PUM1: variants seen among roughly 807,000 people sequenced by gnomAD.
PUM1 encodes pumilio RNA binding family member 1.
A neutral mutation model predicts 131.8 loss-of-function variants in PUM1; 13 were observed. The observed-to-expected ratio is 0.10, with a 90% CI of 0.06 to 0.16. PUM1 has a LOEUF of 0.16. Ranked by LOEUF, PUM1 falls within the 10% of genes least tolerant of loss-of-function variation. The pLI is 1.00. For synonymous variants in PUM1, 509 were observed against 556.5 expected, an observed-to-expected ratio of 0.91 and a Z score of 1.20; for missense variants, 961 against 1,512.4, an observed-to-expected ratio of 0.64 and a Z score of 6.05.
In PUM1 at chr1:30,992,283, T is replaced by G. The variant is rs143334393; in HGVS notation, c.1158+107A>C. 161 of 1,420,030 alleles carry G rather than the reference T, an allele frequency of 1.1e-4. No homozygotes were observed. The African/African-American group carries it at 2.0e-3, about 18-fold the overall frequency. 88.0% of individuals were successfully genotyped at this position (1,420,030 alleles called of 1,614,324 possible). ...CAGGTTCACAAGGGCTAGCTATGGA[T>G]AGCCTGAAACAATGCCACCACCTCC... On this transcript the variant is annotated intron_variant, in intron 7 of 21. Coordinates refer to ENST00000426105, the MANE Select transcript of PUM1 (RefSeq NM_001020658.2).
intron 2 of PUM1, among the ~76,000 whole-genome samples, chr1:31,042,273 T>C (rs1435967321): frequency 6.6e-6 from 1 of 151,656 alleles, no homozygotes; most frequent in Non-Finnish European, 1.5e-5. Context: ...ACCACTGCAC[T>C]CCAACCTGGG....
chr1:31,038,538 C>T (rs1368255743), intron 2 of PUM1, among the ~76,000 whole-genome samples: 1 of 152,158 alleles, frequency 6.6e-6, no homozygotes, highest in African/African-American at 2.4e-5. Context: ...CCTTGAGCGT[C>T]TAGCACAGTA....
chr1:31,029,913 CAAAAA>C (rs10592751), intron 2 of PUM1, among the ~76,000 whole-genome samples: 15 of 120,028 alleles, frequency 1.2e-4, no homozygotes, highest in Non-Finnish European at 1.2e-4. Context: ...GATCCTTTTT[CAAAAA>C]AAAAAAAAAA....
intron 1 of PUM1, among the ~76,000 whole-genome samples, 186 bp downstream of exon 1, chr1:31,065,430 G>A (rs1644462186): frequency 6.6e-6 from 1 of 151,046 alleles, no homozygotes; most frequent in South Asian, 2.1e-4. Flanking sequence ...ATAACAATAG[G>A]GGCCTTGCTG....
At chr1:30,949,528 C>A (rs1033369241) in intron 17 of PUM1, among the ~76,000 whole-genome samples, 1 of 150,696 alleles carries the variant, frequency 6.6e-6, no homozygotes, top group African/African-American at 2.5e-5. Flanking sequence ...CCTGCAAAGC[C>A]GGCCCTCAGG....
intron 2 of PUM1, among the ~76,000 whole-genome samples, chr1:31,038,490 G>C (rs1231301837): frequency 6.6e-6 from 1 of 152,116 alleles, no homozygotes; most frequent in Non-Finnish European, 1.5e-5. Context: ...CTTATTAACA[G>C]TGCTATGGTG....
chr1:30,943,331 C>T (rs998201600), intron 18 of PUM1, among the ~76,000 whole-genome samples: 2 of 151,902 alleles, frequency 1.3e-5, no homozygotes, highest in Non-Finnish European at 1.5e-5. Context: ...GGCACCATCT[C>T]GGCTCACTGC....
chr1:31,049,694 A>T (rs1644060851), intron 2 of PUM1, among the ~76,000 whole-genome samples: 1 of 152,096 alleles, frequency 6.6e-6, no homozygotes. Context: ...AAATAAAATT[A>T]AATTTAAAAA....
chr1:31,052,018 T>C (rs1644120626), intron 2 of PUM1, among the ~76,000 whole-genome samples: 1 of 152,118 alleles, frequency 6.6e-6, no homozygotes, highest in South Asian at 2.1e-4. Context: ...TAAGTAACTT[T>C]TTTTTTTCTT....
intron 18 of PUM1, 70 bp from the exon 19 acceptor site, chr1:30,942,193 A>ATT (rs1383093207): frequency 2.8e-5 from 5 of 178,244 alleles, no homozygotes; most frequent in Admixed American, 1.7e-4. Flanking sequence ...AGTATTGTTT[A>ATT]TATATATATA....
rs578036518 is a variant in PUM1, at chr1:30,983,073, T to G, written c.1159-1668A>C. ...TACTGACAGACATTATCAAAACATTTGTCCTCCAGGAAGGGAGCCAGTCAA... is the reference window on the plus strand; with the variant it reads ...TACTGACAGACATTATCAAAACATTGGTCCTCCAGGAAGGGAGCCAGTCAA... On this transcript the variant is annotated intron_variant, in intron 7 of 21. Transcript: ENST00000426105. Among the ~76,000 whole-genome samples, 3 of 152,338 alleles carry G rather than the reference T, an allele frequency of 2.0e-5. No homozygotes were observed. In the East Asian group the frequency reaches 5.8e-4, roughly 29 times the overall value.
chr1:30,988,352 T>C (rs941848705), intron 7 of PUM1, among the ~76,000 whole-genome samples: 3 of 152,232 alleles, frequency 2.0e-5, no homozygotes, highest in Admixed American at 2.0e-4. Flanking sequence ...TATCTCATTA[T>C]AGGCTGATAA....
intron 2 of PUM1, among the ~76,000 whole-genome samples, chr1:31,054,093 CAAAAAAA>C (rs368330168): frequency 0.028 from 1,537 of 54,842 alleles, 29 homozygotes; most frequent in Middle Eastern, 0.045. Flanking sequence ...GACTTTATTT[CAAAAAAA>C]AAAAAAAAAA....
At chr1:30,994,227 T>C (rs2124488921) in intron 6 of PUM1, among the ~76,000 whole-genome samples, 1 of 152,258 alleles carries the variant, frequency 6.6e-6, no homozygotes, top group African/African-American at 2.4e-5. Context: ...TTGGCAGACA[T>C]TAGAATAAGC....
Position 31,015,733 on chromosome 1 carries a change from A to T in PUM1, c.433-8631T>A, listed in dbSNP as rs1416628223. 2.9e-5 allele frequency among the ~76,000 whole-genome samples: 4 copies of T among 137,842 alleles called. No homozygotes were observed. In the East Asian group the frequency reaches 8.7e-4, roughly 30 times the overall value. The allele number at this position is 137,842 out of a possible 152,430, so 90.4% of individuals were successfully genotyped here. On this transcript the variant is annotated intron_variant, in intron 3 of 21. Transcript: ENST00000426105. ...TTGTTGCCCAGGCTGGAGTGCAATG[A>T]TGCGATCTCAGCTCACCGCAACCTC...
chr1:30,995,206 T>G lies in PUM1; in HGVS notation c.735A>C (p.Ala245=). The G allele has an allele frequency of 6.2e-7, 1 of 1,614,172 alleles. No individual in the cohort carries two copies. Among genetic ancestry groups the G allele is most frequent in the Admixed American group, 1.7e-5 (1 of 60,022 alleles). Residue 245 remains alanine (A), a synonymous_variant, in exon 6 of 22, where the codon GCA becomes GCC. Transcript: ENST00000426105. ...LRKGGFGPRD[A]DSDENDKGEK... is the part of the protein sequence containing the mutation. Reference sequence around the variant, plus strand: ...CACCTTTGTCGTTTTCATCACTGTCTGCATCCCTTGGGCCCTGTTTAAAAA... The same window carrying G: ...CACCTTTGTCGTTTTCATCACTGTCGGCATCCCTTGGGCCCTGTTTAAAAA...
At chr1:31,007,406 AG>A (rs1642433601) in intron 3 of PUM1, among the ~76,000 whole-genome samples, 1 of 152,240 alleles carries the variant, frequency 6.6e-6, no homozygotes, top group Non-Finnish European at 1.5e-5. Context: ...GGAGTGGGGA[AG>A]GGAACTAACA....
rs759320088 is a variant in PUM1, at chr1:30,933,203, A to C, written c.*8T>G. 9.4e-6 allele frequency: 15 copies of C among 1,604,278 alleles called. No individual in the cohort carries two copies. Among genetic ancestry groups the C allele is most frequent in the African/African-American group, 1.3e-5 (1 of 74,440 alleles). ...AGCGGGAATGAGGGAACAGCGGGTGACACTGCCTCAGATGATACCATTAGG... is the reference window on the plus strand; with the variant it reads ...AGCGGGAATGAGGGAACAGCGGGTGCCACTGCCTCAGATGATACCATTAGG... On this transcript the variant is annotated 3_prime_UTR_variant, in exon 22 of 22. Transcript: ENST00000426105.
At chr1:31,017,990 G>A (rs1465423037) in intron 3 of PUM1, among the ~76,000 whole-genome samples, 1 of 152,156 alleles carries the variant, frequency 6.6e-6, no homozygotes, top group African/African-American at 2.4e-5. Flanking sequence ...GTGGAAGTAG[G>A]GGCAAGGACA....
Sources: allele counts gnomAD v4.1 joint callset (sites outside exome capture counted in the v4.1 genomes callset), GRCh38; gene constraint gnomAD v4.1.1; transcripts MANE v1.5; gene names NCBI Gene and HGNC (gene_info 2026-07-23, HGNC 2026-07-21).